The following PSG1 variants were observed in gnomAD, a reference collection of about 807,000 sequenced individuals.
PSG1 encodes pregnancy specific beta-1-glycoprotein 1.
In PSG1, 60 loss-of-function variants were observed where a neutral mutation model predicts 41.4. The ratio of observed to expected loss-of-function variants is 1.45; its 90% CI spans 1.18 to 1.80. The LOEUF is 1.80. Among genes scored for constraint, PSG1 ranks in the 40% most tolerant of loss-of-function variants. PSG1 has a pLI of 0.00. For missense variants in PSG1, 806 were observed against 516.9 expected (o/e 1.56, Z -5.42); for synonymous variants, 256 against 192.9 (o/e 1.33, Z -2.71).
rs1401580930 is a variant in PSG1, at chr19:42,868,255, C to G, written c.1089G>C (p.Gln363His). The change falls in exon 5 of 6, where the codon CAG (glutamine) becomes CAC (histidine). Residue 363 changes from glutamine to histidine, a missense_variant. Coordinates refer to ENST00000436291, the MANE Select transcript of PSG1 (RefSeq NM_001184825.2). ...SCSADSNPPA[Q>H]YSWTINEKFQ... ...ACTTTTCATTAATTGTCCAAGAATACTGTGCCGGTGGGTTAGAGTCCGCAG... is the reference window on the plus strand; with the variant it reads ...ACTTTTCATTAATTGTCCAAGAATAGTGTGCCGGTGGGTTAGAGTCCGCAG... 7 of 1,612,310 alleles carry G rather than the reference C, an allele frequency of 4.3e-6. No individual in the cohort carries two copies. Among genetic ancestry groups the G allele is most frequent in the Non-Finnish European group, 5.9e-6 (7 of 1,179,168 alleles).
chr19:42,871,333 G>A (rs1338786495), intron 3 of PSG1, among the ~76,000 whole-genome samples: 1 of 151,646 alleles, frequency 6.6e-6, no homozygotes, highest in Non-Finnish European at 1.5e-5. Flanking sequence ...AGGTGTATGA[G>A]GAAGAAATGG....
rs2040527234 is a variant in PSG1, at chr19:42,879,695, C to T, written c.-114G>A. ...CCTCTTTCTGTGCTGAGCCTCTTCC[C>T]AGGGCAGGAGCAATTCTCAAGCTCA... On this transcript the variant is annotated 5_prime_UTR_variant, in exon 1 of 6. Coordinates refer to ENST00000436291, the MANE Select transcript of PSG1 (RefSeq NM_001184825.2). 3 of 1,476,146 alleles carry T rather than the reference C, an allele frequency of 2.0e-6. No individual in the cohort carries two copies. The highest frequency in any genetic ancestry group is 1.2e-5 in the South Asian group (1 of 80,136). 91.4% of individuals were successfully genotyped at this position (1,476,146 alleles called of 1,614,324 possible).
intron 3 of PSG1, among the ~76,000 whole-genome samples, chr19:42,871,490 C>A (rs1228296066): frequency 2.6e-5 from 4 of 151,732 alleles, no homozygotes; most frequent in Admixed American, 1.3e-4. Context: ...GCCAAATCCC[C>A]ACTGTGTTCA....
intron 2 of PSG1, among the ~76,000 whole-genome samples, chr19:42,873,238 T>G (rs1971468545): frequency 6.6e-6 from 1 of 151,710 alleles, no homozygotes; most frequent in African/African-American, 2.4e-5. Context: ...TTTGGATGTC[T>G]AATTATTTTT....
chr19:42,873,425 G>T (rs573376268), intron 2 of PSG1, among the ~76,000 whole-genome samples: 18 of 151,552 alleles, frequency 1.2e-4, no homozygotes, highest in Non-Finnish European at 2.1e-4. Flanking sequence ...ATTTGTAACA[G>T]TGTAATTTTT....
At position 42,867,710 on chromosome 19, in the gene PSG1, G is replaced by T. The variant is rs11083664; in HGVS notation, c.1243+391C>A. On this transcript the variant is annotated intron_variant, in intron 5 of 5. Coordinates refer to ENST00000436291, the MANE Select transcript of PSG1 (RefSeq NM_001184825.2). Reference sequence around the variant, plus strand: ...AAGCAAAAGTAAATGTTTCAATTACGGTTCCCAGAAGTATAGTTTATTGAA... The same window carrying T: ...AAGCAAAAGTAAATGTTTCAATTACTGTTCCCAGAAGTATAGTTTATTGAA... The T allele has an allele frequency of 1.6e-4, 129 of 818,998 alleles. 2 individuals are homozygous for T. The highest frequency in any genetic ancestry group is 1.3e-3 in the South Asian group (98 of 72,980). The allele number at this position is 818,998 out of a possible 1,614,324, so 50.7% of individuals were successfully genotyped here.
At chr19:42,874,060 C>G (rs546946047) in intron 2 of PSG1, 1 of 151,606 alleles carries the variant, frequency 6.6e-6, no homozygotes, top group Non-Finnish European at 1.5e-5. Context: ...TCAGATAACA[C>G]CCACCTGGTC....
rs369230764 is a variant in PSG1, at chr19:42,872,061, G to A, written c.431-16C>T. The A allele has an allele frequency of 1.9e-5, 30 of 1,602,374 alleles. No homozygotes were observed. The African/African-American group carries it at 3.2e-4, about 17-fold the overall frequency. On this transcript the variant is annotated splice_polypyrimidine_tract_variant and intron_variant, in intron 2 of 5. Coordinates refer to ENST00000436291, the MANE Select transcript of PSG1 (RefSeq NM_001184825.2). ...GGAGTCTCCACTGTGCAGAAAACAG[G>A]GTGAAGATTGCCGTGTGTGGCGCCT...
At chr19:42,867,487 C>A in intron 5 of PSG1, 1 of 583,294 alleles carries the variant, frequency 1.7e-6, no homozygotes, top group East Asian at 2.9e-5. Flanking sequence ...CAGACTTTGC[C>A]TGCAGTTCAT....
rs573781700 is a variant in PSG1, at chr19:42,872,004, G to T, written c.472C>A (p.Pro158Thr). ...CTCACAGCCTCCATGGTCTCCCTGG[G>T]ATTTAAGTTGCTGCTGGAGATGGAG... ...KPSISSSNLN[P>T]RETMEAVSLT... The change falls in exon 3 of 6, where the codon CCC becomes ACC. Residue 158 changes from proline (P) to threonine (T), a missense_variant. Physicochemically the swap from Pro to Thr is conservative, Grantham distance 38 (BLOSUM62 -1). Transcript: ENST00000436291. 5.0e-6 allele frequency: 8 copies of T among 1,612,396 alleles called. No homozygotes were observed. The African/African-American group carries it at 1.1e-4, about 22-fold the overall frequency.
Position 42,867,075 on chromosome 19 carries a change from G to T in PSG1, c.*59C>A. ...CAGCTTATAGGGCTTCTGGAACAGA[G>T]TGGGTCTTGCTCTTAGTGATTCCAT... On this transcript the variant is annotated 3_prime_UTR_variant, in exon 6 of 6. Transcript: ENST00000436291. 1.3e-6 allele frequency: 1 copy of T among 772,780 alleles called. No individual in the cohort carries two copies. 47.9% of individuals were successfully genotyped at this position (772,780 alleles called of 1,614,324 possible). A position where few individuals can be genotyped will look rare whatever the true frequency, so the allele number is the denominator to read the frequency against.
At chr19:42,873,237 C>G (rs981733121) in intron 2 of PSG1, among the ~76,000 whole-genome samples, 7 of 151,600 alleles carry the variant, frequency 4.6e-5, no homozygotes, top group African/African-American at 1.7e-4. Flanking sequence ...TTTTGGATGT[C>G]TAATTATTTT....
At chr19:42,877,174 C>T (rs978001900) in intron 2 of PSG1, among the ~76,000 whole-genome samples, 1 of 151,662 alleles carries the variant, frequency 6.6e-6, no homozygotes, top group Non-Finnish European at 1.5e-5. Flanking sequence ...TACGTCAGAT[C>T]CCTGTGGACA....
intron 5 of PSG1, chr19:42,867,637 A>G: frequency 1.4e-6 from 1 of 738,930 alleles, no homozygotes; most frequent in Non-Finnish European, 2.5e-6. Flanking sequence ...TACCATAAAC[A>G]TATCAATTCT....
Position 42,868,242 on chromosome 19 carries a change from T to C in PSG1, c.1102A>G (p.Ile368Val). The C allele has an allele frequency of 2.5e-6, 4 of 1,612,334 alleles. No individual in the cohort carries two copies. The highest frequency in any genetic ancestry group is 3.4e-6 in the Non-Finnish European group (4 of 1,179,156). The change falls in exon 5 of 6, where the codon ATT becomes GTT. Residue 368 changes from isoleucine (I) to valine (V), a missense_variant. Physicochemically the swap from Ile to Val is conservative, Grantham distance 29. Transcript: ENST00000436291. The part of the protein sequence containing the change: ...SNPPAQYSWT[I>V]NEKFQLPGQK... Reference sequence around the variant, plus strand: ...CCTGGTAGCTGAAACTTTTCATTAATTGTCCAAGAATACTGTGCCGGTGGG... The same window carrying C: ...CCTGGTAGCTGAAACTTTTCATTAACTGTCCAAGAATACTGTGCCGGTGGG...
rs752061482 is a variant in PSG1, at chr19:42,871,965, G to T, written c.511C>A (p.Pro171Thr). 3.1e-6 allele frequency: 5 copies of T among 1,612,322 alleles called. No individual in the cohort carries two copies. In the East Asian group the frequency reaches 6.7e-5, roughly 22 times the overall value. ...AGGTAGCTTGCGTCTGGAGTCTCAG[G>T]GTCACAGGTTAAGCTCACAGCCTCC... is the stretch of plus-strand genomic sequence containing the variant. ...TMEAVSLTCD[P>T]ETPDASYLWW... Residue 171 changes from proline to threonine, a missense_variant, in exon 3 of 6, where the codon CCT becomes ACT. Coordinates refer to ENST00000436291, the MANE Select transcript of PSG1 (RefSeq NM_001184825.2).
intron 3 of PSG1, chr19:42,870,488 G>A (rs751912110): frequency 6.6e-6 from 1 of 151,538 alleles, no homozygotes; most frequent in Non-Finnish European, 1.5e-5. Context: ...AAGGCCTTGG[G>A]ATGTGAGAAA....
chr19:42,875,960 A>G (rs1971586730), intron 2 of PSG1, among the ~76,000 whole-genome samples: 1 of 150,938 alleles, frequency 6.6e-6, no homozygotes, highest in African/African-American at 2.4e-5. Flanking sequence ...CTGGATGGGA[A>G]TACAGTGGAA....
chr19:42,877,469 C>T (rs1172523647), intron 2 of PSG1, among the ~76,000 whole-genome samples: 4 of 151,636 alleles, frequency 2.6e-5, no homozygotes, highest in Admixed American at 6.6e-5. Flanking sequence ...AACCCAGTCC[C>T]AGCACAGGCT....
Sources: gnomAD v4.1 joint callset for allele counts (sites outside exome capture counted in the v4.1 genomes callset) on GRCh38, gnomAD v4.1.1 for gene constraint, MANE v1.5 for transcripts, NCBI Gene and HGNC (gene_info 2026-07-23, HGNC 2026-07-21) for gene names.